ZNF280C: variants seen among roughly 807,000 people sequenced by gnomAD.
ZNF280C encodes suppressor of hairy wing homolog 3.
Under a neutral mutation model 53.6 loss-of-function variants are expected in ZNF280C, and 14 were observed. The ratio of observed to expected loss-of-function variants is 0.26; its 90% CI spans 0.17 to 0.41. The LOEUF is 0.41. Among genes scored for constraint, ZNF280C ranks in the 10% least tolerant of loss-of-function variants. The pLI is 1.00. For missense variants in ZNF280C, 416 were observed against 547.1 expected (o/e 0.76, Z 2.39); for synonymous variants, 203 against 181.1 (o/e 1.12, Z -0.97).
At chrX:130,231,294 G>C (rs763027477) in intron 8 of ZNF280C, among the ~76,000 whole-genome samples, 5 of 111,651 alleles carry the variant, frequency 4.5e-5, no homozygotes, top group Non-Finnish European at 9.4e-5. Flanking sequence ...CAATAGCGAA[G>C]ACATGGAATC....
At chrX:130,251,798 A>AC (rs951815790) in intron 2 of ZNF280C, among the ~76,000 whole-genome samples, 2 of 109,614 alleles carry the variant, frequency 1.8e-5, no homozygotes, top group Non-Finnish European at 3.8e-5. Flanking sequence ...GAAAAAAAAA[A>AC]AAAAACAAAA....
chrX:130,206,853 G>A (rs943553823), intron 16 of ZNF280C, among the ~76,000 whole-genome samples: 1 of 111,820 alleles, frequency 8.9e-6, no homozygotes, highest in East Asian at 2.8e-4. Flanking sequence ...TTCTTCTTAC[G>A]TAAAACATTC....
chrX:130,257,846 G>A (rs770196963), intron 2 of ZNF280C, among the ~76,000 whole-genome samples: 90 of 112,933 alleles, frequency 8.0e-4, no homozygotes, highest in Non-Finnish European at 4.1e-4. Context: ...TGGGGTCTGG[G>A]CACAGTGGCT....
intron 2 of ZNF280C, among the ~76,000 whole-genome samples, chrX:130,254,423 A>C (rs1482880596): frequency 8.9e-6 from 1 of 112,060 alleles, no homozygotes; most frequent in African/African-American, 3.2e-5. Context: ...ACCCAAAGGA[A>C]TGTAAACTCT....
At chrX:130,224,966 G>A (rs2032205151) in intron 12 of ZNF280C, among the ~76,000 whole-genome samples, 1 of 111,780 alleles carries the variant, frequency 8.9e-6, no homozygotes, top group Non-Finnish European at 1.9e-5. Flanking sequence ...ATTTAGCCAA[G>A]GGCCAGTTAT....
intron 15 of ZNF280C, among the ~76,000 whole-genome samples, chrX:130,211,086 C>A: frequency 1.8e-5 from 2 of 112,237 alleles, no homozygotes; most frequent in Middle Eastern, 9.2e-3. Flanking sequence ...GTAACCATCA[C>A]CAGCTTACTA....
intron 12 of ZNF280C, among the ~76,000 whole-genome samples, chrX:130,221,334 G>T (rs1007466418): frequency 8.1e-5 from 9 of 111,613 alleles, no homozygotes; most frequent in African/African-American, 2.9e-4. Flanking sequence ...ATGATGGATA[G>T]AATGTTCCCG....
chrX:130,206,361 G>GTTTTT (rs1048503644), intron 16 of ZNF280C, among the ~76,000 whole-genome samples: 20 of 73,469 alleles, frequency 2.7e-4, no homozygotes, highest in East Asian at 5.1e-4. Flanking sequence ...GACTTCTTTA[G>GTTTTT]TTTTTTTTTT....
intron 13 of ZNF280C, among the ~76,000 whole-genome samples, chrX:130,217,670 C>T (rs908155129): frequency 1.8e-5 from 2 of 111,984 alleles, no homozygotes; most frequent in East Asian, 5.5e-4. Flanking sequence ...TTGAAAATGG[C>T]AAGTATAAAC....
At chrX:130,216,633 G>A (rs1311713411) in intron 13 of ZNF280C, among the ~76,000 whole-genome samples, 2 of 112,099 alleles carry the variant, frequency 1.8e-5, no homozygotes, top group African/African-American at 6.5e-5. Flanking sequence ...ACAAGTATTG[G>A]CTAGGACATA....
rs7357925 is a variant in ZNF280C at position 130,215,443 on chromosome X, T to C, written c.1839-110A>G. 3,342 of 756,076 alleles carry C rather than the reference T, an allele frequency of 4.4e-3. 79 individuals carry two copies. The African/African-American group carries it at 0.067, about 15-fold the overall frequency. The allele number at this position is 756,076 out of a possible 1,213,427, so 62.3% of individuals were successfully genotyped here. On this transcript the variant is annotated intron_variant, in intron 14 of 18. Coordinates refer to ENST00000370978, the MANE Select transcript of ZNF280C (RefSeq NM_017666.5). The stretch of plus-strand genomic sequence containing the variant: ...AGCCAAAATGTTTAAATTGGTATCT[T>C]TAAGTAGACTCATAATTTCAAAATT...
chrX:130,265,614 G>T (rs761994525), intron 1 of ZNF280C, among the ~76,000 whole-genome samples: 10 of 111,947 alleles, frequency 8.9e-5, no homozygotes, highest in Non-Finnish European at 1.7e-4. Flanking sequence ...TGGGAACACT[G>T]GACATAGGGG....
rs755935197 is a variant in ZNF280C, at chrX:130,215,346, GA to G, written c.1839-14del. The G allele has an allele frequency of 5.3e-6, 6 of 1,133,930 alleles. No individual in the cohort carries two copies. Among genetic ancestry groups the G allele is most frequent in the East Asian group, 3.1e-5 (1 of 31,797 alleles). The allele number at this position is 1,133,930 out of a possible 1,213,427, so 93.4% of individuals were successfully genotyped here. On this transcript the variant is annotated splice_polypyrimidine_tract_variant and intron_variant, in intron 14 of 18. Coordinates refer to ENST00000370978, the MANE Select transcript of ZNF280C (RefSeq NM_017666.5). ...TCCCCGACGACACCTTATGGAGACGGAAAAAAAAGATAAAAAGAGATTATAA... is the reference window on the plus strand; with the variant it reads ...TCCCCGACGACACCTTATGGAGACGGAAAAAAAGATAAAAAGAGATTATAA...
chrX:130,243,279 C>T (rs920195056), intron 5 of ZNF280C, among the ~76,000 whole-genome samples: 5 of 111,441 alleles, frequency 4.5e-5, no homozygotes, highest in Admixed American at 1.9e-4. Flanking sequence ...ACCTCCAGGG[C>T]TCAAGCAATC....
At chrX:130,243,746 C>T (rs201761950) in intron 4 of ZNF280C, 47 bp from the exon 5 acceptor site, 1 of 1,159,888 alleles carries the variant, frequency 8.6e-7, no homozygotes, top group Non-Finnish European at 1.2e-6. Flanking sequence ...TCTATACAAC[C>T]AATTATATCA....
chrX:130,205,909 A>T (rs1338252076), intron 16 of ZNF280C, among the ~76,000 whole-genome samples: 1 of 109,744 alleles, frequency 9.1e-6, no homozygotes, highest in East Asian at 2.8e-4. Flanking sequence ...AGAAAATGGC[A>T]TCGCCATATT....
At chrX:130,227,906 T>C (rs2032236688) in intron 10 of ZNF280C, 124 bp from the exon 11 acceptor site, 4 of 441,380 alleles carry the variant, frequency 9.1e-6, no homozygotes, top group Non-Finnish European at 1.6e-5. Flanking sequence ...AACAATTCTA[T>C]AGCTGTTGAC....
chrX:130,212,865 T>C (rs2032054525), intron 15 of ZNF280C, among the ~76,000 whole-genome samples: 1 of 111,025 alleles, frequency 9.0e-6, no homozygotes, highest in Non-Finnish European at 1.9e-5. Context: ...ATGCAAGAGA[T>C]GACGAACAGG....
intron 16 of ZNF280C, among the ~76,000 whole-genome samples, chrX:130,207,600 G>A (rs1292800460): frequency 9.0e-6 from 1 of 110,995 alleles, no homozygotes; most frequent in African/African-American, 3.3e-5. Flanking sequence ...GACCTCAGGT[G>A]ATCCACCCAC....
Sources: allele counts gnomAD v4.1 joint callset (sites outside exome capture counted in the v4.1 genomes callset), GRCh38; gene constraint gnomAD v4.1.1; transcripts MANE v1.5; gene names NCBI Gene and HGNC (gene_info 2026-07-23, HGNC 2026-07-21).